The following MACROD2 variants were observed in gnomAD, a reference collection of about 807,000 sequenced individuals.
MACROD2 encodes the protein mono-ADP ribosylhydrolase 2.
In MACROD2, 36 loss-of-function variants were observed where a neutral mutation model predicts 70.4. That is an observed-to-expected ratio of 0.51 (90% CI 0.39 to 0.68). The LOEUF is 0.68. MACROD2 is among the 30% of genes least tolerant of loss of function. The pLI is 0.00. For synonymous variants in MACROD2, 172 were observed against 178.8 expected (o/e 0.96, Z 0.30); for missense variants, 496 against 538.4 (o/e 0.92, Z 0.78).
chr20:14,086,315 T>A lies in MACROD2; in HGVS notation c.271+587T>A, dbSNP rs562004348. The A allele has an allele frequency of 3.7e-4, 99 of 266,564 alleles. No individual in the cohort carries two copies. The Middle Eastern group carries it at 0.012, about 32-fold the overall frequency. 16.5% of individuals were successfully genotyped at this position (266,564 alleles called of 1,614,324 possible). ...ATTGGGAAAAATTTTACAGATGTTA[T>A]ATTTTATTATGTGGCTATATATCAA... On this transcript the variant is annotated intron_variant, in intron 3 of 17. Transcript: ENST00000684519.
chr20:14,914,574 C>T (rs1228461662), intron 5 of MACROD2, among the ~76,000 whole-genome samples: 2 of 152,054 alleles, frequency 1.3e-5, no homozygotes, highest in Non-Finnish European at 2.9e-5. Flanking sequence ...TCCTAAGAAA[C>T]CATAAAAGAG....
intron 3 of MACROD2, among the ~76,000 whole-genome samples, chr20:14,138,642 G>A (rs1402084761): frequency 6.6e-6 from 1 of 152,106 alleles, no homozygotes; most frequent in African/African-American, 2.4e-5. Flanking sequence ...ATGGGAAGCT[G>A]TTGGTCAAAG....
intron 3 of MACROD2, among the ~76,000 whole-genome samples, chr20:14,226,786 C>A (rs2122186185): frequency 6.6e-6 from 1 of 152,358 alleles, no homozygotes; most frequent in Admixed American, 6.5e-5. Flanking sequence ...GCCTGAGCCT[C>A]CCACCCACTC....
At position 14,872,097 on chromosome 20, in the gene MACROD2, T is replaced by TTTAGC. The variant is rs2073495373; in HGVS notation, c.418+187138_418+187139insTTAGC. On this transcript the variant is annotated intron_variant, in intron 5 of 17. Coordinates refer to ENST00000684519, the MANE Select transcript of MACROD2 (RefSeq NM_001351661.2). ...TGAGACTTTAGCACTCCACTGACAATATTCGACAGATCACTGAGACAAAAT... is the reference window on the plus strand; with the variant it reads ...TGAGACTTTAGCACTCCACTGACAATTTAGCATTCGACAGATCACTGAGACAAAAT... Among the ~76,000 whole-genome samples, 6 of 152,052 alleles carry TTTAGC rather than the reference T, an allele frequency of 3.9e-5. No individual in the cohort carries two copies. In the South Asian group the frequency reaches 1.3e-3, roughly 32 times the overall value.
intron 5 of MACROD2, among the ~76,000 whole-genome samples, chr20:14,866,097 G>C (rs941739520): frequency 2.6e-5 from 4 of 152,060 alleles, no homozygotes; most frequent in Non-Finnish European, 5.9e-5. Context: ...GACTATATAT[G>C]AAATGAATAA....
intron 3 of MACROD2, among the ~76,000 whole-genome samples, chr20:14,170,034 C>T (rs886625182): frequency 2.0e-5 from 3 of 152,114 alleles, no homozygotes; most frequent in African/African-American, 7.2e-5. Context: ...GCTGGGATTA[C>T]AGGCGCATGC....
rs745728542 is a variant in MACROD2 at position 15,885,805 on chromosome 20, G to T, written c.769G>T (p.Asp257Tyr). Residue 257 changes from aspartate to tyrosine, a missense_variant, in exon 10 of 18, where the codon GAT (aspartate) becomes TAT (tyrosine). By Grantham distance (160) the Asp-to-Tyr change is radical. Coordinates refer to ENST00000684519, the MANE Select transcript of MACROD2 (RefSeq NM_001351661.2). ...AGAAGAGGATGTTGAAATGAAAGAA[G>T]ATTCAGGTATTAAATTCATACTTTT... is the stretch of plus-strand genomic sequence containing the variant. ...EEEEDVEMKE[D>Y]SDENGPEEKQ... 24 of 1,498,228 alleles carry T rather than the reference G, an allele frequency of 1.6e-5. No individual in the cohort carries two copies. In the East Asian group the frequency reaches 5.7e-4, roughly 35 times the overall value. The allele number at this position is 1,498,228 out of a possible 1,614,324, so 92.8% of individuals were successfully genotyped here. A position where few individuals can be genotyped will look rare whatever the true frequency, so the allele number is the denominator to read the frequency against.
chr20:14,219,238 C>T (rs1329305651), intron 3 of MACROD2, among the ~76,000 whole-genome samples: 1 of 151,976 alleles, frequency 6.6e-6, no homozygotes, highest in African/African-American at 2.4e-5. Flanking sequence ...TTTTATTATT[C>T]TTTTTTCTTT....
intron 5 of MACROD2, among the ~76,000 whole-genome samples, chr20:14,708,413 A>G (rs1167042604): frequency 6.6e-6 from 1 of 152,196 alleles, no homozygotes; most frequent in Non-Finnish European, 1.5e-5. Flanking sequence ...CTTTGTTTAC[A>G]AAACTAGGTG....
intron 3 of MACROD2, among the ~76,000 whole-genome samples, chr20:14,425,960 T>C (rs746076005): frequency 2.0e-5 from 3 of 152,180 alleles, no homozygotes; most frequent in Non-Finnish European, 4.4e-5. Flanking sequence ...AGATTGAAAG[T>C]TTTTTTCCTC....
chr20:15,993,922 C>A (rs16996907), intron 15 of MACROD2, among the ~76,000 whole-genome samples: 1 of 152,146 alleles, frequency 6.6e-6, no homozygotes, highest in African/African-American at 2.4e-5. Context: ...GGAATACACC[C>A]TCATAGAACC....
At chr20:15,519,365 C>T (rs1399377933) in intron 8 of MACROD2, among the ~76,000 whole-genome samples, 2 of 152,074 alleles carry the variant, frequency 1.3e-5, no homozygotes, top group Non-Finnish European at 2.9e-5. Flanking sequence ...ACCTTGTGAT[C>T]CTCCCACCTT....
chr20:14,366,513 C>T (rs762637632), intron 3 of MACROD2, among the ~76,000 whole-genome samples: 6 of 151,738 alleles, frequency 4.0e-5, no homozygotes, highest in Non-Finnish European at 5.9e-5. Context: ...ACTACAGGCA[C>T]GCACCACCAC....
At chr20:15,588,771 A>C (rs1359524659) in intron 8 of MACROD2, among the ~76,000 whole-genome samples, 2 of 152,172 alleles carry the variant, frequency 1.3e-5, no homozygotes, top group Non-Finnish European at 2.9e-5. Flanking sequence ...AGACCACCTC[A>C]GCCTTTATCT....
chr20:15,311,401 G>A (rs141742889), intron 6 of MACROD2, among the ~76,000 whole-genome samples: 1 of 152,244 alleles, frequency 6.6e-6, no homozygotes, highest in East Asian at 1.9e-4. Context: ...GTTTTGCAGA[G>A]CTACCATTTG....
intron 6 of MACROD2, among the ~76,000 whole-genome samples, chr20:15,234,034 T>TG: frequency 5.2e-5 from 2 of 38,490 alleles, no homozygotes; most frequent in Non-Finnish European, 1.0e-4. Context: ...TTTTTTTTTT[T>TG]TTTTTTTTTT....
intron 5 of MACROD2, among the ~76,000 whole-genome samples, chr20:14,689,493 G>A (rs1182422775): frequency 6.6e-6 from 1 of 152,154 alleles, no homozygotes; most frequent in Non-Finnish European, 1.5e-5. Flanking sequence ...AAATCCGATA[G>A]TGGATTTTTC....
intron 5 of MACROD2, among the ~76,000 whole-genome samples, chr20:14,769,058 C>A (rs1294072990): frequency 6.6e-6 from 1 of 151,994 alleles, no homozygotes; most frequent in Non-Finnish European, 1.5e-5. Context: ...AAAATGACCT[C>A]CTTATAGAAT....
chr20:15,955,128 G>C (rs2065958607), intron 12 of MACROD2, among the ~76,000 whole-genome samples: 2 of 152,262 alleles, frequency 1.3e-5, no homozygotes, highest in Admixed American at 6.5e-5. Flanking sequence ...GATGTGAAGG[G>C]TGTGCAAATG....
Sources: gnomAD v4.1 joint callset for allele counts (sites outside exome capture counted in the v4.1 genomes callset) on GRCh38, gnomAD v4.1.1 for gene constraint, MANE v1.5 for transcripts, NCBI Gene and HGNC (gene_info 2026-07-23, HGNC 2026-07-21) for gene names.